RGL1: variants seen among roughly 807,000 people sequenced by gnomAD.
RGL1 encodes the protein ral guanine nucleotide dissociation stimulator like 1.
In RGL1, 24 loss-of-function variants were observed where a neutral mutation model predicts 95.2. The observed-to-expected ratio is 0.25, with a 90% CI of 0.18 to 0.35. The LOEUF (loss-of-function observed/expected upper bound fraction) is 0.35. Ranked by LOEUF, RGL1 falls within the 10% of genes least tolerant of loss-of-function variation. RGL1 has a pLI of 1.00. For synonymous variants in RGL1, 329 were observed against 344.9 expected (o/e 0.95, Z 0.51); for missense variants, 715 against 936.3 (o/e 0.76, Z 3.08).
At chr1:183,908,027 C>A (rs903914253) in intron 14 of RGL1, among the ~76,000 whole-genome samples, 28 of 151,706 alleles carry the variant, frequency 1.8e-4, no homozygotes, top group African/African-American at 6.5e-4. Flanking sequence ...ACAACAACAA[C>A]AAATATATAT....
rs1012167176 is a variant in RGL1 at position 183,862,171 on chromosome 1, G to A, written c.348-3825G>A. On this transcript the variant is annotated intron_variant, in intron 3 of 17. Transcript: ENST00000360851. Reference sequence around the variant, plus strand: ...GGCCTGGGCAACAGAGTGAGATCTCGTCTCTACAAAAAATAAAAAAAATTA... The same window carrying A: ...GGCCTGGGCAACAGAGTGAGATCTCATCTCTACAAAAAATAAAAAAAATTA... 4.6e-5 allele frequency among the ~76,000 whole-genome samples: 7 copies of A among 151,970 alleles called. No homozygotes were observed. In the South Asian group the frequency reaches 1.0e-3, roughly 23 times the overall value.
At chr1:183,784,541 A>G (rs1176408015) in intron 2 of RGL1, among the ~76,000 whole-genome samples, 1 of 152,196 alleles carries the variant, frequency 6.6e-6, no homozygotes, top group East Asian at 1.9e-4. Context: ...GAATGGTTCA[A>G]TACTCCATTC....
intron 5 of RGL1, among the ~76,000 whole-genome samples, chr1:183,882,563 C>T (rs1317412747): frequency 2.6e-5 from 4 of 152,188 alleles, no homozygotes; most frequent in Non-Finnish European, 5.9e-5. Context: ...TAGCTTGTAC[C>T]TGTTTGTGTC....
chr1:183,905,459 G>T (rs1668265144), intron 13 of RGL1, among the ~76,000 whole-genome samples: 2 of 152,134 alleles, frequency 1.3e-5, no homozygotes, highest in South Asian at 4.1e-4. Flanking sequence ...GGGAAGAATT[G>T]GGGAAAATAA....
rs568047106 is a variant in RGL1, at chr1:183,794,462, A to G, written c.133-11913A>G. ...TGTTCCCAACACAAATAAATGTTAA[A>G]TGTTTGAAATGATGGATATCCTAAT... On this transcript the variant is annotated intron_variant, in intron 2 of 18. Transcript: ENST00000304685. Among the ~76,000 whole-genome samples the G allele has an allele frequency of 2.8e-4, 43 of 152,366 alleles. No individual in the cohort carries two copies. In the South Asian group the frequency reaches 7.9e-3, roughly 28 times the overall value.
chr1:183,648,589 G>A, intron 1 of RGL1: 1 of 1,614,172 alleles, frequency 6.2e-7, no homozygotes, highest in South Asian at 1.1e-5. Context: ...AATGTGAGGT[G>A]TTTTGTTTGA....
chr1:183,869,274 G>A (rs952901611), intron 4 of RGL1, among the ~76,000 whole-genome samples: 5 of 152,176 alleles, frequency 3.3e-5, no homozygotes, highest in Non-Finnish European at 5.9e-5. Context: ...ATTCGAATTC[G>A]TTGTATACTA....
chr1:183,644,572 G>T (rs574938455), intron 1 of RGL1, among the ~76,000 whole-genome samples: 2 of 152,236 alleles, frequency 1.3e-5, no homozygotes, highest in African/African-American at 4.8e-5. Flanking sequence ...ATTACAGGCA[G>T]TAGCCACCAC....
chr1:183,651,450 A>G (rs1297731330), intron 1 of RGL1, among the ~76,000 whole-genome samples: 1 of 152,144 alleles, frequency 6.6e-6, no homozygotes, highest in Non-Finnish European at 1.5e-5. Flanking sequence ...CAGCTCATTC[A>G]TTGCTGTATT....
intron 1 of RGL1, among the ~76,000 whole-genome samples, chr1:183,644,484 G>A (rs138887184): frequency 0.013 from 1,975 of 152,064 alleles, 49 homozygotes; most frequent in African/African-American, 0.046. Context: ...GGAGTGTAGT[G>A]GTGTGATCAT....
chr1:183,746,915 T>C (rs1287604991), intron 2 of RGL1, among the ~76,000 whole-genome samples: 2 of 152,228 alleles, frequency 1.3e-5, no homozygotes, highest in African/African-American at 4.8e-5. Context: ...TTTGGTTTTC[T>C]GTTCCTGTGT....
At chr1:183,826,905 G>A (rs1662902165) in intron 2 of RGL1, among the ~76,000 whole-genome samples, 1 of 152,042 alleles carries the variant, frequency 6.6e-6, no homozygotes, top group African/African-American at 2.4e-5. Context: ...TGATTTAAAT[G>A]TACCTTTTTT....
At chr1:183,775,963 TA>T (rs1333730756) in intron 2 of RGL1, among the ~76,000 whole-genome samples, 2 of 152,004 alleles carry the variant, frequency 1.3e-5, no homozygotes, top group Non-Finnish European at 2.9e-5. Context: ...ATTAAACACA[TA>T]AAAAACAAAG....
At chr1:183,657,949 C>A (rs1651305000) in intron 1 of RGL1, among the ~76,000 whole-genome samples, 1 of 152,204 alleles carries the variant, frequency 6.6e-6, no homozygotes. Flanking sequence ...CTCTCCAGCA[C>A]CTGTTGTTTC....
chr1:183,644,767 A>C (rs894294223), intron 1 of RGL1, among the ~76,000 whole-genome samples: 11 of 152,214 alleles, frequency 7.2e-5, no homozygotes, highest in African/African-American at 2.7e-4. Flanking sequence ...TATGAATAAA[A>C]AAGATGTAAC....
At chr1:183,653,960 C>T (rs915339382) in intron 1 of RGL1, among the ~76,000 whole-genome samples, 1 of 152,308 alleles carries the variant, frequency 6.6e-6, no homozygotes. Flanking sequence ...CTGGATTATT[C>T]CCTCATTCCC....
At chr1:183,717,024 G>T (rs1046083761) in intron 1 of RGL1, among the ~76,000 whole-genome samples, 2 of 152,166 alleles carry the variant, frequency 1.3e-5, no homozygotes, top group Non-Finnish European at 2.9e-5. Flanking sequence ...TTCATGGGTG[G>T]CAGTTTACTG....
chr1:183,771,301 G>GAA (rs572806701), intron 2 of RGL1, among the ~76,000 whole-genome samples: 42 of 127,910 alleles, frequency 3.3e-4, no homozygotes, highest in Middle Eastern at 4.1e-3. Flanking sequence ...AGTAAACAAA[G>GAA]AAAAAAAAAA....
At chr1:183,750,540 C>G (rs931705511) in intron 2 of RGL1, among the ~76,000 whole-genome samples, 1 of 152,192 alleles carries the variant, frequency 6.6e-6, no homozygotes, top group African/African-American at 2.4e-5. Flanking sequence ...TTATTACCCA[C>G]CTTCTGAAGT....
Sources: gnomAD v4.1 joint callset for allele counts (sites outside exome capture counted in the v4.1 genomes callset) on GRCh38, gnomAD v4.1.1 for gene constraint, MANE v1.5 for transcripts, NCBI Gene and HGNC (gene_info 2026-07-23, HGNC 2026-07-21) for gene names.